CAST: variants seen among roughly 807,000 people sequenced by gnomAD.
CAST encodes calpastatin.
In CAST, 76 loss-of-function variants were observed where a neutral mutation model predicts 119.6. The ratio of observed to expected loss-of-function variants is 0.64; its 90% CI spans 0.53 to 0.77. The LOEUF is 0.77. CAST is among the 30% of genes least tolerant of loss of function. The probability of loss-of-function intolerance (pLI) is 0.00; values close to 1 mark genes in which losing one functional copy is unlikely to be tolerated. For missense variants in CAST, 953 were observed against 946.5 expected, an observed-to-expected ratio of 1.01 and a Z score of -0.09; for synonymous variants, 319 against 331.6, an observed-to-expected ratio of 0.96 and a Z score of 0.41.
chr5:96,050,232 T>G, the CAST span: 1 of 152,430 alleles, frequency 6.6e-6, no homozygotes, highest in African/African-American at 2.4e-5. Flanking sequence ...TGAATTGCCC[T>G]CTGTTCTTTC....
the CAST span, among the ~76,000 whole-genome samples, chr5:96,046,672 A>G: frequency 6.6e-6 from 1 of 152,206 alleles, no homozygotes; most frequent in East Asian, 1.9e-4. Flanking sequence ...TATTTTACAA[A>G]AGAGTAATAA....
chr5:96,702,719 C>T (rs1581027348), intron 3 of CAST: 20 of 965,952 alleles, frequency 2.1e-5, no homozygotes, highest in Non-Finnish European at 2.5e-5. Context: ...CCCCACGCAT[C>T]CCGGGCTCCC....
At chr5:96,378,721 A>G in the CAST span, among the ~76,000 whole-genome samples, 3 of 152,088 alleles carry the variant, frequency 2.0e-5, no homozygotes, top group African/African-American at 7.2e-5. Context: ...GCCGTAAAGA[A>G]AAAGAATACC....
At chr5:95,990,690 T>A in the CAST span, among the ~76,000 whole-genome samples, 1 of 152,134 alleles carries the variant, frequency 6.6e-6, no homozygotes, top group Non-Finnish European at 1.5e-5. Context: ...ATATAAGCAT[T>A]TATCTTCTTA....
exon 1 of CAST, chr5:96,529,847 A>G: frequency 2.3e-6 from 1 of 433,898 alleles, no homozygotes; most frequent in Non-Finnish European, 4.6e-6. Flanking sequence ...CCATGATTGT[A>G]AGTTTCCTGA....
chr5:96,304,223 T>A, the CAST span, among the ~76,000 whole-genome samples: 1 of 152,238 alleles, frequency 6.6e-6, no homozygotes, highest in Non-Finnish European at 1.5e-5. Flanking sequence ...TTTTGTCATA[T>A]GTTTTTGGCC....
the CAST span, among the ~76,000 whole-genome samples, chr5:96,166,216 A>G: frequency 6.6e-6 from 1 of 152,228 alleles, no homozygotes; most frequent in Non-Finnish European, 1.5e-5. Context: ...TAAATGTAGT[A>G]AAATAATTAG....
chr5:96,592,546 C>G (rs1394888022), intron 1 of CAST, among the ~76,000 whole-genome samples: 1 of 152,128 alleles, frequency 6.6e-6, no homozygotes, highest in Non-Finnish European at 1.5e-5. Context: ...ACTAAAGAAT[C>G]CCAGTTTTAG....
chr5:96,234,359 T>C, the CAST span, among the ~76,000 whole-genome samples: 2 of 152,218 alleles, frequency 1.3e-5, no homozygotes, highest in Non-Finnish European at 2.9e-5. Context: ...TCTACAGCAA[T>C]TGAACATTTT....
chr5:96,474,501 G>A, the CAST span, among the ~76,000 whole-genome samples: 191 of 152,238 alleles, frequency 1.3e-3, 9 homozygotes, highest in East Asian at 0.036. Flanking sequence ...TGAATATTTG[G>A]CATTTATTAC....
chr5:96,762,848 A>G lies in CAST; in HGVS notation c.1932+476A>G, dbSNP rs559279497. ...ATGGAATAGCATTGTTTTCTTCCCAATTCACACCAGTAAAAATTTGTCACT... is the reference window on the plus strand; with the variant it reads ...ATGGAATAGCATTGTTTTCTTCCCAGTTCACACCAGTAAAAATTTGTCACT... On this transcript the variant is annotated intron_variant, in intron 25 of 31. Transcript: ENST00000675179. The G allele has an allele frequency of 1.1e-4, 40 of 359,568 alleles. No homozygotes were observed. The South Asian group carries it at 1.4e-3, about 12-fold the overall frequency. 22.3% of individuals were successfully genotyped at this position (359,568 alleles called of 1,614,324 possible). A position where few individuals can be genotyped will look rare whatever the true frequency, so the allele number is the denominator to read the frequency against.
the CAST span, among the ~76,000 whole-genome samples, chr5:96,055,210 TC>T: frequency 2.6e-5 from 4 of 152,064 alleles, no homozygotes; most frequent in African/African-American, 9.7e-5. Flanking sequence ...TTTCCCTCTT[TC>T]CCCTTCTTTA....
At chr5:96,641,716 A>G (rs941809978) in intron 1 of CAST, among the ~76,000 whole-genome samples, 16 of 152,086 alleles carry the variant, frequency 1.1e-4, no homozygotes, top group African/African-American at 3.9e-4. Flanking sequence ...CCTCTCCTGC[A>G]CTATCTTTCC....
At chr5:96,290,301 T>C in the CAST span, among the ~76,000 whole-genome samples, 5 of 152,228 alleles carry the variant, frequency 3.3e-5, no homozygotes, top group East Asian at 3.9e-4. Flanking sequence ...CTAGTTACTG[T>C]TGGGAATTCT....
the CAST span, among the ~76,000 whole-genome samples, chr5:96,420,620 C>T: frequency 6.6e-6 from 1 of 152,226 alleles, no homozygotes; most frequent in South Asian, 2.1e-4. Context: ...TCCATGTACC[C>T]CAGCCTCCCA....
At chr5:96,538,943 A>T (rs976875384) in intron 1 of CAST, among the ~76,000 whole-genome samples, 2 of 152,224 alleles carry the variant, frequency 1.3e-5, no homozygotes, top group East Asian at 3.8e-4. Context: ...GAAGCACTTC[A>T]TATTTGGTCA....
At chr5:96,594,602 C>A (rs755001083) in intron 1 of CAST, among the ~76,000 whole-genome samples, 2 of 152,054 alleles carry the variant, frequency 1.3e-5, no homozygotes, top group African/African-American at 2.4e-5. Flanking sequence ...TTAAAAAATA[C>A]CATGCCAAGT....
chr5:96,342,890 C>G, the CAST span, among the ~76,000 whole-genome samples: 9 of 152,052 alleles, frequency 5.9e-5, no homozygotes, highest in African/African-American at 1.7e-4. Context: ...TTTTTGGTAC[C>G]GCATAAGTTG....
At chr5:96,729,320 G>GT in intron 7 of CAST, 111 bp downstream of exon 7, 1 of 667,232 alleles carries the variant, frequency 1.5e-6, no homozygotes, top group Admixed American at 2.9e-5. Flanking sequence ...TTGGATATTA[G>GT]TTTTTTCAGC....
Sources: allele counts gnomAD v4.1 joint callset (sites outside exome capture counted in the v4.1 genomes callset), GRCh38; gene constraint gnomAD v4.1.1; transcripts MANE v1.5; gene names NCBI Gene and HGNC (gene_info 2026-07-23, HGNC 2026-07-21).